PODNL1: variants seen among roughly 807,000 people sequenced by gnomAD.
PODNL1 encodes podocan like 1, also known as podocan-like protein 1.
Under a neutral mutation model 45.1 loss-of-function variants are expected in PODNL1, and 50 were observed. The ratio of observed to expected loss-of-function variants is 1.11; its 90% CI spans 0.88 to 1.40. The LOEUF is 1.40. PODNL1 is among the 40% of genes most tolerant of loss of function. The probability of loss-of-function intolerance (pLI) is 0.00; values close to 1 mark genes in which losing one functional copy is unlikely to be tolerated. For missense variants in PODNL1, 788 were observed against 793.3 expected, an observed-to-expected ratio of 0.99 and a Z score of 0.08; for synonymous variants, 406 against 372.5, an observed-to-expected ratio of 1.09 and a Z score of -1.04.
chr19:13,936,499 C>T (rs199527085), intron 2 of PODNL1, 39 bp from the exon 3 acceptor site: 40 of 1,536,530 alleles, frequency 2.6e-5, no homozygotes, highest in African/African-American at 2.6e-4. Context: ...CCCGTGACCC[C>T]GTGACCAAGT....
At chr19:13,940,253 C>T (rs1160163374), upstream of PODNL1, among the ~76,000 whole-genome samples, 1 of 151,660 alleles carries the variant, frequency 6.6e-6, no homozygotes, top group Admixed American at 6.6e-5. Context: ...TGGTGAGACC[C>T]CCGTCTCTAA....
chr19:13,945,271 G>C (rs1435121244), intron 1 of PODNL1, among the ~76,000 whole-genome samples: 2 of 151,924 alleles, frequency 1.3e-5, no homozygotes, highest in Non-Finnish European at 2.9e-5. Flanking sequence ...AGCTACTCAG[G>C]AGCCTGAGGC....
chr19:13,943,516 C>T lies in PODNL1; in HGVS notation c.19-5510G>A, dbSNP rs533254550. ...TCGCTCTGTTGCTCAGGCTGGAGTG[C>T]AGTGGTGTGATCTTGATTCACTGCA... On this transcript the variant is annotated intron_variant, in intron 1 of 7. Transcript: ENST00000538371. Among the ~76,000 whole-genome samples, 12 of 152,030 alleles carry T rather than the reference C, an allele frequency of 7.9e-5. No homozygotes were observed. In the South Asian group the frequency reaches 2.5e-3, roughly 32 times the overall value.
chr19:13,947,820 G>A (rs962139054), intron 1 of PODNL1, among the ~76,000 whole-genome samples: 3 of 151,994 alleles, frequency 2.0e-5, no homozygotes, highest in South Asian at 4.2e-4. Context: ...TGACCCCATC[G>A]GCTCTGACTA....
At chr19:13,938,076 C>T (rs1972500929) in intron 1 of PODNL1, 70 bp from the exon 2 acceptor site, 2 of 1,467,256 alleles carry the variant, frequency 1.4e-6, no homozygotes. Flanking sequence ...GGAGCATCCC[C>T]TCCTCGGGGA....
At position 13,932,997 on chromosome 19, in the gene PODNL1, G is replaced by A; in HGVS notation, c.1226C>T (p.Ala409Val). The A allele has an allele frequency of 6.5e-7, 1 of 1,545,974 alleles. No individual in the cohort carries two copies. Among genetic ancestry groups the A allele is most frequent in the Non-Finnish European group, 8.7e-7 (1 of 1,151,562 alleles). ...RLRALRSLDLAGNQLTRLPMG... is the reference protein window; with the variant it reads ...RLRALRSLDLVGNQLTRLPMG... ...GGGCAGCCGGGTTAGCTGATTCCCT[G>A]CCAGGTCGAGGCTGCGCAGGGCACG... Residue 409 changes from alanine to valine, a missense_variant, in exon 8 of 10, where the codon GCA (alanine) becomes GTA (valine). Coordinates refer to ENST00000588872, the MANE Select transcript of PODNL1 (RefSeq NM_001370095.3).
chr19:13,937,979 A>G lies in PODNL1; in HGVS notation c.31T>C (p.Leu11=). 1 of 1,540,390 alleles carries G rather than the reference A, an allele frequency of 6.5e-7. No homozygotes were observed. Among genetic ancestry groups the G allele is most frequent in the Middle Eastern group, 1.7e-4 (1 of 5,860 alleles). The change falls in exon 2 of 10, where the codon TTG becomes CTG. Residue 11 remains leucine (L), a synonymous_variant. Transcript: ENST00000588872. MWPSLLLLLL[L]PGPPPVAGLE... Reference sequence around the variant, plus strand: ...CCGGCGACGGGCGGGGGCCCCGGCAACAGCAGGAGCAGCAGCAGGCTCGGC... The same window carrying G: ...CCGGCGACGGGCGGGGGCCCCGGCAGCAGCAGGAGCAGCAGCAGGCTCGGC...
Position 13,931,728 on chromosome 19 carries a change from T to C in PODNL1, c.*9A>G. ...GGAGTCTGAGCTGCTCTGCTGGGCC[T>C]CTCTAGGATCAGGGGCCCCCTGCCC... On this transcript the variant is annotated 3_prime_UTR_variant, in exon 10 of 10. Transcript: ENST00000588872. 6.5e-6 allele frequency: 8 copies of C among 1,231,748 alleles called. No individual in the cohort carries two copies. The highest frequency in any genetic ancestry group is 4.1e-5 in the South Asian group (1 of 24,312). The allele number at this position is 1,231,748 out of a possible 1,614,324, so 76.3% of individuals were successfully genotyped here. A position where few individuals can be genotyped will look rare whatever the true frequency, so the allele number is the denominator to read the frequency against.
chr19:13,932,011 G>T lies in PODNL1; in HGVS notation c.1527C>A (p.Gly509=), dbSNP rs1471606998. Residue 509 remains glycine (G), a synonymous_variant, in exon 9 of 10, where the codon GGC becomes GGA. Coordinates refer to ENST00000588872, the MANE Select transcript of PODNL1 (RefSeq NM_001370095.3). ...GGGGTGTGCTGAGGAAGGCCTCGGG[G>T]CCCACGTGGCCGATGCGGTTGCCCT... ...HLEGNRIGHV[G]PEAFLSTPRL... The T allele has an allele frequency of 9.7e-6, 12 of 1,232,314 alleles. No individual in the cohort carries two copies. The highest frequency in any genetic ancestry group is 3.2e-5 in the East Asian group (1 of 31,718). The allele number at this position is 1,232,314 out of a possible 1,614,324, so 76.3% of individuals were successfully genotyped here.
chr19:13,936,746 C>T (rs566980856), intron 2 of PODNL1, among the ~76,000 whole-genome samples: 1 of 128,258 alleles, frequency 7.8e-6, no homozygotes, highest in South Asian at 2.8e-4. Flanking sequence ...CAACCGACCC[C>T]AAATGCACCA....
At position 13,934,289 on chromosome 19, in the gene PODNL1, T is replaced by G. The variant is rs747840477; in HGVS notation, c.616A>C (p.Ser206Arg). The G allele has an allele frequency of 2.0e-6, 3 of 1,535,094 alleles. No individual in the cohort carries two copies. In the South Asian group the frequency reaches 3.8e-5, roughly 20 times the overall value. The change falls in exon 6 of 10, where the codon AGC becomes CGC. Residue 206 changes from serine (S) to arginine (R), a missense_variant. By Grantham distance (110) the Ser-to-Arg change is moderately radical. This residue lies in a region of PODNL1 where 762 missense variants were observed against 750.9 expected (regional missense o/e 1.01). Transcript: ENST00000588872. Reference protein sequence around the residue: ...SNNQLSYLPPSLPPSLERLHL... With the variant: ...SNNQLSYLPPRLPPSLERLHL... ...AGCCGCTCGAGTGAGGGCGGCAGGC[T>G]GGGCGGCAGGTAGCTGAGCTGGTTG...
intron 1 of PODNL1, among the ~76,000 whole-genome samples, chr19:13,949,079 C>A (rs956828846): frequency 6.6e-6 from 1 of 151,926 alleles, no homozygotes; most frequent in Non-Finnish European, 1.5e-5. Context: ...CATGCCTCAG[C>A]CTCCTGAGTA....
intron 1 of PODNL1, chr19:13,952,660 G>T: frequency 2.3e-6 from 3 of 1,294,728 alleles, no homozygotes; most frequent in Non-Finnish European, 2.0e-6. Flanking sequence ...GCCTGGAGCC[G>T]GAGTGGGGAG....
At position 13,935,972 on chromosome 19, in the gene PODNL1, G is replaced by T. The variant is rs1393315716; in HGVS notation, c.384+8C>A. On this transcript the variant is annotated splice_region_variant and intron_variant, in intron 4 of 9. Coordinates refer to ENST00000588872, the MANE Select transcript of PODNL1 (RefSeq NM_001370095.3). ...GGGCTCGGCCTGCGGGTGGGGCTGG[G>T]GGCTCACCTTGTTGTGAGCCACGCA... The T allele has an allele frequency of 6.4e-7, 1 of 1,551,772 alleles. No individual in the cohort carries two copies. The highest frequency in any genetic ancestry group is 2.0e-5 in the Admixed American group (1 of 51,160).
chr19:13,953,077 C>G, intron 1 of PODNL1: 17 of 1,550,602 alleles, frequency 1.1e-5, no homozygotes, highest in Non-Finnish European at 1.4e-5. Flanking sequence ...GTTCCTCTCC[C>G]TGCCCAAGCC....
rs748381095 is a variant in PODNL1 at position 13,935,766 on chromosome 19, A to G, written c.449T>C (p.Val150Ala). The change falls in exon 5 of 10, where the codon GTG becomes GCG. Residue 150 changes from valine (V) to alanine (A), a missense_variant. This residue lies in a region of PODNL1 where 762 missense variants were observed against 750.9 expected (regional missense o/e 1.01). Coordinates refer to ENST00000588872, the MANE Select transcript of PODNL1 (RefSeq NM_001370095.3). ...AAAGGTGAGGGGGAAGATCTCCATC[A>G]CTTGGTTGGCAGCCAGATCCGCGAC... ...LRVADLAANQ[V>A]MEIFPLTFGE... The G allele has an allele frequency of 1.3e-5, 20 of 1,596,528 alleles. No individual in the cohort carries two copies. The highest frequency in any genetic ancestry group is 1.7e-5 in the Non-Finnish European group (20 of 1,174,470).
Position 13,937,962 on chromosome 19 carries a change from GGGC to G in PODNL1, c.45_47del (p.Pro16del). 1 of 1,541,948 alleles carries G rather than the reference GGGC, an allele frequency of 6.5e-7. No homozygotes were observed. Among genetic ancestry groups the G allele is most frequent in the Non-Finnish European group, 8.8e-7 (1 of 1,140,392 alleles). On this transcript the variant is annotated inframe_deletion, in exon 2 of 10. Transcript: ENST00000588872. ...AGGCAGCGTCTTCCAAGCCGGCGAC[GGGC>G]GGGGGCCCCGGCAACAGCAGGAGCA...
upstream of PODNL1, chr19:13,938,540 GGGACGACCGCA>G: frequency 2.9e-6 from 3 of 1,023,718 alleles, no homozygotes; most frequent in Non-Finnish European, 3.6e-6. Context: ...TCTGGTATTT[GGGACGACCGCA>G]GGAGTAGGGG....
At chr19:13,945,095 A>G (rs1972771844) in intron 1 of PODNL1, among the ~76,000 whole-genome samples, 1 of 151,948 alleles carries the variant, frequency 6.6e-6, no homozygotes, top group Non-Finnish European at 1.5e-5. Flanking sequence ...TTGTTTTTTA[A>G]GAGACAGGAG....
Sources: gnomAD v4.1 joint callset for allele counts (sites outside exome capture counted in the v4.1 genomes callset) on GRCh38, gnomAD v4.1.1 for gene constraint, gnomAD v4.1.1 regional missense constraint, MANE v1.5 for transcripts, NCBI Gene and HGNC (gene_info 2026-07-23, HGNC 2026-07-21) for gene names.